The following HCRTR2 variants were observed in gnomAD, a reference collection of about 807,000 sequenced individuals.
HCRTR2 encodes hypocretin receptor 2.
Under a neutral mutation model 49.0 loss-of-function variants are expected in HCRTR2, and 22 were observed. That is an observed-to-expected ratio of 0.45 (90% CI 0.32 to 0.64). The LOEUF (loss-of-function observed/expected upper bound fraction) is 0.64, where lower values mean the gene tolerates loss of function less well. Among genes scored for constraint, HCRTR2 ranks in the 30% least tolerant of loss-of-function variants. The pLI is 0.04. For missense variants in HCRTR2, 491 were observed against 559.4 expected, an observed-to-expected ratio of 0.88 and a Z score of 1.23; for synonymous variants, 236 against 205.3, an observed-to-expected ratio of 1.15 and a Z score of -1.28.
At chr6:55,259,576 G>C (rs964908997) in intron 3 of HCRTR2, among the ~76,000 whole-genome samples, 4 of 151,714 alleles carry the variant, frequency 2.6e-5, no homozygotes, top group Admixed American at 1.3e-4. Flanking sequence ...ATTAAGTTTT[G>C]CCTGTCAAAT....
In HCRTR2 at chr6:55,219,822, A is replaced by G. The variant is rs950109372; in HGVS notation, c.224-28817A>G. Among the ~76,000 whole-genome samples the G allele has an allele frequency of 1.3e-4, 20 of 152,110 alleles. 1 individual carries two copies. The South Asian group carries it at 3.9e-3, about 30-fold the overall frequency. ...CTTTGGCTAGAATAACTAAGAAAAAAGAGAGAAGACTCATAAATAATATTG... is the reference window on the plus strand; with the variant it reads ...CTTTGGCTAGAATAACTAAGAAAAAGGAGAGAAGACTCATAAATAATATTG... On this transcript the variant is annotated intron_variant, in intron 1 of 6. Transcript: ENST00000370862.
intron 1 of HCRTR2, among the ~76,000 whole-genome samples, chr6:55,207,019 G>A (rs1191975702): frequency 5.9e-5 from 9 of 151,976 alleles, no homozygotes. Context: ...CCAGGCATTG[G>A]TTTGCTTTGC....
intron 1 of HCRTR2, among the ~76,000 whole-genome samples, chr6:55,116,174 G>A (rs1274396997): frequency 3.3e-5 from 5 of 151,436 alleles, no homozygotes; most frequent in Admixed American, 6.6e-5. Context: ...TTCCTCATCT[G>A]GAATCTATGG....
chr6:55,155,266 A>G (rs1041943451), intron 1 of HCRTR2, among the ~76,000 whole-genome samples: 8 of 151,938 alleles, frequency 5.3e-5, no homozygotes, highest in Admixed American at 3.3e-4. Context: ...TATGATTTCA[A>G]TTTGGTCAAA....
intron 1 of HCRTR2, among the ~76,000 whole-genome samples, chr6:55,149,504 C>A (rs550460352): frequency 2.0e-5 from 3 of 152,108 alleles, no homozygotes; most frequent in South Asian, 4.1e-4. Context: ...AGCATGAGTA[C>A]AAGAAAGGTC....
At chr6:55,284,314 A>T (rs1463312259), downstream of HCRTR2, among the ~76,000 whole-genome samples, 1 of 152,172 alleles carries the variant, frequency 6.6e-6, no homozygotes, top group African/African-American at 2.4e-5. Context: ...CCTTTGCTCT[A>T]AATCAGTGAT....
chr6:55,244,454 T>C (rs923282037), intron 1 of HCRTR2, among the ~76,000 whole-genome samples: 3 of 151,908 alleles, frequency 2.0e-5, no homozygotes, highest in Admixed American at 6.6e-5. Context: ...CAATCTGACA[T>C]TGGGTATTTG....
At chr6:55,252,885 T>A (rs989713663) in intron 2 of HCRTR2, among the ~76,000 whole-genome samples, 20 of 151,980 alleles carry the variant, frequency 1.3e-4, no homozygotes, top group Non-Finnish European at 2.4e-4. Flanking sequence ...TTATTATTAT[T>A]ATAATCATAA....
At chr6:55,193,112 T>C (rs1035740028) in intron 1 of HCRTR2, among the ~76,000 whole-genome samples, 3 of 152,180 alleles carry the variant, frequency 2.0e-5, no homozygotes, top group African/African-American at 4.8e-5. Flanking sequence ...CATTCATTCC[T>C]TCATCAAACA....
At chr6:55,129,916 A>G (rs374044258) in intron 1 of HCRTR2, among the ~76,000 whole-genome samples, 3 of 151,922 alleles carry the variant, frequency 2.0e-5, no homozygotes, top group Admixed American at 6.6e-5. Context: ...CTACTCTTCT[A>G]TTTCCGCTGC....
intron 1 of HCRTR2, among the ~76,000 whole-genome samples, chr6:55,211,181 T>C (rs1298994567): frequency 1.3e-5 from 2 of 152,202 alleles, no homozygotes; most frequent in Non-Finnish European, 2.9e-5. Context: ...TGCACAATGA[T>C]GAAATCACCT....
chr6:55,199,844 A>T lies in HCRTR2; in HGVS notation c.223+25034A>T, dbSNP rs1206203618. Among the ~76,000 whole-genome samples the T allele has an allele frequency of 3.9e-5, 6 of 152,200 alleles. No homozygotes were observed. The South Asian group carries it at 1.0e-3, about 26-fold the overall frequency. On this transcript the variant is annotated intron_variant, in intron 1 of 6. Transcript: ENST00000370862. Reference sequence around the variant, plus strand: ...GAAGGAAATGAAAAATATATAAGGGAAGGATTTAATCAGTCAGGCAAAAAT... The same window carrying T: ...GAAGGAAATGAAAAATATATAAGGGTAGGATTTAATCAGTCAGGCAAAAAT...
chr6:55,250,707 T>TA (rs1766532473), intron 2 of HCRTR2, among the ~76,000 whole-genome samples: 4 of 152,142 alleles, frequency 2.6e-5, no homozygotes, highest in African/African-American at 9.7e-5. Context: ...TGGGTATCTC[T>TA]TATAATCACT....
Position 55,282,310 on chromosome 6 carries a change from A to T in HCRTR2, c.1191A>T (p.Gly397=). 6.2e-7 allele frequency: 1 copy of T among 1,613,728 alleles called. No homozygotes were observed. The highest frequency in any genetic ancestry group is 8.5e-7 in the Non-Finnish European group (1 of 1,179,868). ...GCCAGGAGGATCGGCTCACCAGGGG[A>T]CGAACTAGCACAGAGAGCCGGAAGT... ...HHRQEDRLTR[G]RTSTESRKSL... Residue 397 remains glycine (G), a synonymous_variant, in exon 7 of 7, where the codon GGA becomes GGT. Transcript: ENST00000370862.
intron 2 of HCRTR2, among the ~76,000 whole-genome samples, chr6:55,251,324 G>T (rs1381719883): frequency 2.0e-5 from 3 of 152,026 alleles, no homozygotes; most frequent in Non-Finnish European, 4.4e-5. Flanking sequence ...TAACGCATTG[G>T]CAAATGCACA....
intron 1 of HCRTR2, among the ~76,000 whole-genome samples, chr6:55,193,950 A>G (rs961745560): frequency 6.6e-6 from 1 of 152,150 alleles, no homozygotes; most frequent in African/African-American, 2.4e-5. Flanking sequence ...AATCTCAAGT[A>G]GGTTGTCTGT....
chr6:55,263,814 T>G lies in HCRTR2; in HGVS notation c.754T>G (p.Cys252Gly), dbSNP rs1166240591. ...AYLQIFRKLW[C>G]RQIPGTSSVV... ...TCTGCAAATATTTCGCAAACTCTGG[T>G]GTCGACAGGTATATAGTTTCAAATA... The change falls in exon 4 of 7, where the codon TGT becomes GGT. Residue 252 changes from cysteine (C) to glycine (G), a missense_variant. Cys to Gly is a radical substitution (Grantham distance 159). Transcript: ENST00000370862. The G allele has an allele frequency of 3.1e-6, 5 of 1,588,042 alleles. No homozygotes were observed. The highest frequency in any genetic ancestry group is 4.3e-6 in the Non-Finnish European group (5 of 1,156,716).
rs557291274 is a variant in HCRTR2 at position 55,159,920 on chromosome 6, T to A, written c.-377-14291T>A. ...TCAAGTTGGAAAACATTCTTCAGGA[T>A]ATTATCCAGGAGAACATCCACAACC... On this transcript the variant is annotated intron_variant, in intron 1 of 7. Coordinates refer to the HCRTR2 transcript ENST00000615358. 5.3e-5 allele frequency among the ~76,000 whole-genome samples: 8 copies of A among 152,310 alleles called. No homozygotes were observed. The East Asian group carries it at 1.5e-3, about 29-fold the overall frequency.
At chr6:55,109,494 A>G (rs1233620461) in intron 1 of HCRTR2, among the ~76,000 whole-genome samples, 2 of 152,090 alleles carry the variant, frequency 1.3e-5, no homozygotes, top group Admixed American at 6.6e-5. Flanking sequence ...ATATGGATGG[A>G]AAAATCTCCA....
Sources: allele counts gnomAD v4.1 joint callset (sites outside exome capture counted in the v4.1 genomes callset), GRCh38; gene constraint gnomAD v4.1.1; transcripts MANE v1.5; gene names NCBI Gene and HGNC (gene_info 2026-07-23, HGNC 2026-07-21).